The following TCF4 variants were observed in gnomAD, a reference collection of about 807,000 sequenced individuals.
TCF4 encodes transcription factor 4, also known as SL3-3 enhancer factor 2.
In TCF4, 3 loss-of-function variants were observed where a neutral mutation model predicts 82.1. The observed-to-expected ratio is 0.04, with a 90% CI of 0.02 to 0.09. The LOEUF (loss-of-function observed/expected upper bound fraction) is 0.09, where lower values mean the gene tolerates loss of function less well. TCF4 is among the 10% of genes least tolerant of loss of function. TCF4 has a pLI of 1.00. For synonymous variants in TCF4, 276 were observed against 309.6 expected (o/e 0.89, Z 1.14); for missense variants, 518 against 852.7 (o/e 0.61, Z 4.89).
At chr18:55,471,737 G>C (rs544722747) in intron 3 of TCF4, among the ~76,000 whole-genome samples, 55 of 148,972 alleles carry the variant, frequency 3.7e-4, no homozygotes, top group African/African-American at 1.3e-3. Context: ...CTGCACTCCA[G>C]CCTCGGTGAC....
At chr18:55,339,584 G>C (rs191249564) in intron 8 of TCF4, among the ~76,000 whole-genome samples, 1 of 152,138 alleles carries the variant, frequency 6.6e-6, no homozygotes, top group African/African-American at 2.4e-5. Flanking sequence ...TTTTCCCGAG[G>C]AATCTAACTC....
At chr18:55,424,862 C>A (rs1362264118) in intron 5 of TCF4, among the ~76,000 whole-genome samples, 3 of 152,148 alleles carry the variant, frequency 2.0e-5, no homozygotes, top group Admixed American at 2.0e-4. Flanking sequence ...GAGATGCCTG[C>A]TCATCCGAAG....
intron 2 of TCF4, among the ~76,000 whole-genome samples, chr18:55,629,053 G>T (rs2097729214): frequency 6.6e-6 from 1 of 152,062 alleles, no homozygotes; most frequent in Admixed American, 6.6e-5. Flanking sequence ...AATAAATATT[G>T]TATGCAATGC....
At chr18:55,405,108 G>C (rs1337823309) in intron 5 of TCF4, among the ~76,000 whole-genome samples, 1 of 152,226 alleles carries the variant, frequency 6.6e-6, no homozygotes, top group Admixed American at 6.5e-5. Context: ...TGTATCAGCA[G>C]TGTGAATGGT....
chr18:55,503,805 T>C (rs1293151539), intron 3 of TCF4, among the ~76,000 whole-genome samples: 2 of 152,216 alleles, frequency 1.3e-5, no homozygotes, highest in African/African-American at 4.8e-5. Flanking sequence ...CCGGGCACTG[T>C]GGCTCATACC....
intron 5 of TCF4, among the ~76,000 whole-genome samples, chr18:55,406,073 A>G (rs2094068991): frequency 6.6e-6 from 1 of 151,056 alleles, no homozygotes; most frequent in South Asian, 2.1e-4. Context: ...GCTCTGTCGA[A>G]GTCTGCGAGG....
chr18:55,450,200 C>T (rs2095598374), intron 5 of TCF4, among the ~76,000 whole-genome samples: 1 of 152,158 alleles, frequency 6.6e-6, no homozygotes, highest in African/African-American at 2.4e-5. Context: ...CCACCACTTC[C>T]CCCATGTTAG....
chr18:55,470,387 ATCCTACCT>A (rs963875676), intron 3 of TCF4, among the ~76,000 whole-genome samples: 7 of 152,346 alleles, frequency 4.6e-5, no homozygotes, highest in African/African-American at 1.7e-4. Flanking sequence ...AGGTTAAACA[ATCCTACCT>A]TCTCCGTGAC....
At chr18:55,546,335 T>C (rs758809576) in intron 3 of TCF4, among the ~76,000 whole-genome samples, 6 of 152,086 alleles carry the variant, frequency 3.9e-5, no homozygotes, top group Non-Finnish European at 7.4e-5. Context: ...AGAGACCCTG[T>C]CTTTAAAACT....
intron 3 of TCF4, among the ~76,000 whole-genome samples, chr18:55,564,856 G>A (rs1157937208): frequency 6.6e-6 from 1 of 152,178 alleles, no homozygotes; most frequent in Non-Finnish European, 1.5e-5. Context: ...TTATGTTAAT[G>A]AATTCTCCCA....
At chr18:55,288,861 G>A (rs371409794) in intron 8 of TCF4, among the ~76,000 whole-genome samples, 1 of 152,178 alleles carries the variant, frequency 6.6e-6, no homozygotes. Context: ...CCAGACCCAC[G>A]ACTAAATATC....
intron 6 of TCF4, among the ~76,000 whole-genome samples, chr18:55,359,952 T>C (rs1449836428): frequency 1.3e-5 from 2 of 152,202 alleles, no homozygotes; most frequent in Non-Finnish European, 2.9e-5. Context: ...ATTTCTATAG[T>C]ACATGGGGCT....
intron 6 of TCF4, among the ~76,000 whole-genome samples, chr18:55,393,074 A>T (rs1467725524): frequency 2.0e-5 from 3 of 152,222 alleles, no homozygotes. Context: ...AACAAGTATT[A>T]AGACTGTTGG....
In TCF4 at chr18:55,468,890, C is replaced by CA. The variant is rs1555676448; in HGVS notation, c.146-4754_146-4753insT. ...AATCTATTTAGTTCTCGCCCCCCCC[C>CA]CCCTTGTTCTATTGCCACCCTTTTT... On this transcript the variant is annotated intron_variant, in intron 3 of 19. Coordinates refer to ENST00000354452, the MANE Select transcript of TCF4 (RefSeq NM_001083962.2). Among the ~76,000 whole-genome samples, 3 of 131,116 alleles carry CA rather than the reference C, an allele frequency of 2.3e-5. 1 individual carries two copies. The highest frequency in any genetic ancestry group is 1.7e-5 in the Non-Finnish European group (1 of 58,730). The allele number at this position is 131,116 out of a possible 152,430, so 86.0% of individuals were successfully genotyped here. A position where few individuals can be genotyped will look rare whatever the true frequency, so the allele number is the denominator to read the frequency against.
intron 15 of TCF4, among the ~76,000 whole-genome samples, chr18:55,238,320 G>A (rs545907723): frequency 6.6e-6 from 1 of 152,286 alleles, no homozygotes; most frequent in Admixed American, 6.5e-5. Flanking sequence ...TGATATCTAT[G>A]CTAAAAATAG....
intron 3 of TCF4, among the ~76,000 whole-genome samples, chr18:55,568,897 T>C (rs1287249024): frequency 6.6e-6 from 1 of 152,182 alleles, no homozygotes; most frequent in Non-Finnish European, 1.5e-5. Flanking sequence ...TGAAGCTACA[T>C]CATTAATTTC....
intron 6 of TCF4, among the ~76,000 whole-genome samples, chr18:55,389,121 A>T (rs1375433396): frequency 1.3e-5 from 2 of 152,128 alleles, no homozygotes; most frequent in Non-Finnish European, 1.5e-5. Flanking sequence ...GCGAGACTCC[A>T]TCTCAAAAAA....
At chr18:55,463,930 G>A (rs570755395) in intron 4 of TCF4, 146 bp downstream of exon 4, 33 of 837,538 alleles carry the variant, frequency 3.9e-5, no homozygotes, top group Admixed American at 2.9e-4. Context: ...GTTTGTGTGC[G>A]TGTGCATGCC....
At chr18:55,620,060 A>G (rs1476363591) in intron 2 of TCF4, among the ~76,000 whole-genome samples, 1 of 152,120 alleles carries the variant, frequency 6.6e-6, no homozygotes, top group Non-Finnish European at 1.5e-5. Flanking sequence ...AGATCTAATC[A>G]TTTTATAAAT....
Sources: gnomAD v4.1 joint callset for allele counts (sites outside exome capture counted in the v4.1 genomes callset) on GRCh38, gnomAD v4.1.1 for gene constraint, MANE v1.5 for transcripts, NCBI Gene and HGNC (gene_info 2026-07-23, HGNC 2026-07-21) for gene names.